The following U2SURP variants were observed in gnomAD, a reference collection of about 807,000 sequenced individuals.
U2SURP encodes the protein U2 snRNP-associated SURP motif-containing protein.
In U2SURP, 9 loss-of-function variants were observed where a neutral mutation model predicts 144.9. The ratio of observed to expected loss-of-function variants is 0.06; its 90% CI spans 0.04 to 0.11. The LOEUF is 0.11. Ranked by LOEUF, U2SURP falls within the 10% of genes least tolerant of loss-of-function variation. The pLI is 1.00. For missense variants in U2SURP, 724 were observed against 1,226.7 expected, an observed-to-expected ratio of 0.59 and a Z score of 6.12; for synonymous variants, 408 against 396.8, an observed-to-expected ratio of 1.03 and a Z score of -0.33.
intron 15 of U2SURP, 31 bp from the exon 16 acceptor site, chr3:143,028,452 G>C (rs768535432): frequency 1.2e-6 from 2 of 1,605,944 alleles, no homozygotes; most frequent in Non-Finnish European, 1.7e-6. Flanking sequence ...TGAGTAATTA[G>C]ACCTTTATAA....
At chr3:143,052,950 G>GTTT (rs11436960) in intron 25 of U2SURP, among the ~76,000 whole-genome samples, 5,557 of 132,814 alleles carry the variant, frequency 0.042, 285 homozygotes, top group African/African-American at 0.11. Flanking sequence ...AAATGTGTTG[G>GTTT]TTTTTTTTTT....
intron 23 of U2SURP, among the ~76,000 whole-genome samples, chr3:143,039,965 G>A (rs1046967838): frequency 2.6e-5 from 4 of 151,892 alleles, no homozygotes; most frequent in African/African-American, 9.7e-5. Flanking sequence ...ATACCTATCT[G>A]AGGCTGTTTA....
chr3:143,053,555 A>G (rs1262512968), intron 25 of U2SURP, 121 bp from the exon 26 acceptor site: 10 of 723,786 alleles, frequency 1.4e-5, no homozygotes, highest in South Asian at 2.8e-5. Flanking sequence ...TTTTAATAGT[A>G]TTGTACCTTA....
intron 23 of U2SURP, 120 bp from the exon 24 acceptor site, chr3:143,042,997 C>A: frequency 1.0e-6 from 1 of 958,278 alleles, no homozygotes; most frequent in Non-Finnish European, 1.5e-6. Context: ...ATGAATTGTC[C>A]TATTATGTTT....
In U2SURP at chr3:143,047,884, C is replaced by CA. The variant is rs1309467921; in HGVS notation, c.2545-3055_2545-3054insA. Among the ~76,000 whole-genome samples, 23 of 149,262 alleles carry CA rather than the reference C, an allele frequency of 1.5e-4. 2 individuals carry two copies. The highest frequency in any genetic ancestry group is 3.5e-3 in the Middle Eastern group (1 of 288). On this transcript the variant is annotated intron_variant, in intron 24 of 27. Coordinates refer to ENST00000473835, the MANE Select transcript of U2SURP (RefSeq NM_001080415.2). ...GCGGCTGGCCGGGCGGGGGGCTGAC[C>CA]CCCCCCAACCTCCCTCCCGGACGGG...
At chr3:143,006,754 T>C (rs147494420) in intron 1 of U2SURP, among the ~76,000 whole-genome samples, 124 of 152,250 alleles carry the variant, frequency 8.1e-4, no homozygotes, top group African/African-American at 2.4e-3. Flanking sequence ...AAAAAAAGAA[T>C]GTACCCATCT....
intron 26 of U2SURP, 55 bp downstream of exon 26, chr3:143,053,849 GT>G: frequency 1.5e-6 from 2 of 1,377,690 alleles, no homozygotes; most frequent in Non-Finnish European, 1.9e-6. Context: ...TTGCAGTGGT[GT>G]TTTATAATAC....
At chr3:143,026,780 T>C (rs913295850) in intron 13 of U2SURP, 4 of 155,700 alleles carry the variant, frequency 2.6e-5, no homozygotes, top group African/African-American at 9.6e-5. Context: ...TGTAATAACA[T>C]GCAGGCTCTA....
chr3:143,054,901 C>G (rs1201977677), intron 26 of U2SURP, 42 bp from the exon 27 acceptor site: 1 of 1,516,236 alleles, frequency 6.6e-7, no homozygotes, highest in Non-Finnish European at 8.8e-7. Context: ...ATACCCGATC[C>G]TTTGCTCATT....
intron 1 of U2SURP, among the ~76,000 whole-genome samples, chr3:143,008,458 G>T (rs950930897): frequency 9.2e-5 from 14 of 152,266 alleles, no homozygotes; most frequent in African/African-American, 3.4e-4. Flanking sequence ...CAATTCTTTT[G>T]CCCCCTTGCA....
At chr3:143,049,348 G>A (rs1341054586) in intron 24 of U2SURP, among the ~76,000 whole-genome samples, 3 of 79,512 alleles carry the variant, frequency 3.8e-5, no homozygotes, top group Non-Finnish European at 7.3e-5. Context: ...TTGTAATAAA[G>A]GGGGGTAACA....
Position 143,032,956 on chromosome 3 carries a change from T to A in U2SURP, c.1773+10T>A, listed in dbSNP as rs764653336. ...ACCCCTTCCTAAAAAGGTATGGGAATGAATTTTAAGAAAAGGGGAGATAGT... is the reference window on the plus strand; with the variant it reads ...ACCCCTTCCTAAAAAGGTATGGGAAAGAATTTTAAGAAAAGGGGAGATAGT... On this transcript the variant is annotated intron_variant, in intron 17 of 27. Transcript: ENST00000473835. 6.2e-7 allele frequency: 1 copy of A among 1,604,788 alleles called. No homozygotes were observed.
At chr3:143,010,970 T>G in intron 2 of U2SURP, 111 bp downstream of exon 2, 1 of 802,676 alleles carries the variant, frequency 1.2e-6, no homozygotes, top group Non-Finnish European at 1.8e-6. Flanking sequence ...TGTATGTGCT[T>G]TTTTCTTTTA....
chr3:143,003,677 C>CTTTTTTTTTTATTTTTTTTTTTTTTT (rs1935658474), intron 1 of U2SURP, among the ~76,000 whole-genome samples: 1 of 101,506 alleles, frequency 9.9e-6, no homozygotes, highest in African/African-American at 3.5e-5. Flanking sequence ...TATTTTATTT[C>CTTTTTTTTTTATTTTTTTTTTTTTTT]TTTTTTTTTT....
At chr3:143,004,831 A>G (rs1452386911) in intron 1 of U2SURP, among the ~76,000 whole-genome samples, 1 of 152,108 alleles carries the variant, frequency 6.6e-6, no homozygotes, top group African/African-American at 2.4e-5. Flanking sequence ...TTTCCTGTGC[A>G]TTTGTTTGTT....
intron 23 of U2SURP, among the ~76,000 whole-genome samples, chr3:143,042,430 G>C (rs1337545087): frequency 6.6e-6 from 1 of 152,014 alleles, no homozygotes; most frequent in Non-Finnish European, 1.5e-5. Flanking sequence ...CACACATACA[G>C]CTTTTTTTAT....
intron 24 of U2SURP, among the ~76,000 whole-genome samples, chr3:143,044,448 C>T (rs1250495989): frequency 2.6e-5 from 4 of 151,812 alleles, no homozygotes; most frequent in Non-Finnish European, 5.9e-5. Flanking sequence ...ACCACCAAGC[C>T]CGACTAATTT....
Position 143,012,136 on chromosome 3 carries a change from T to C in U2SURP, c.91-86T>C, listed in dbSNP as rs552498562. ...TAATCTACAATGAAATTTGTCAATA[T>C]CTGGCATGGCTTATTCCTAGTTTTC... On this transcript the variant is annotated intron_variant, in intron 2 of 27. Coordinates refer to ENST00000473835, the MANE Select transcript of U2SURP (RefSeq NM_001080415.2). 2.6e-5 allele frequency: 38 copies of C among 1,480,030 alleles called. No homozygotes were observed. The African/African-American group carries it at 4.2e-4, about 16-fold the overall frequency. 91.7% of individuals were successfully genotyped at this position (1,480,030 alleles called of 1,614,324 possible). A position where few individuals can be genotyped will look rare whatever the true frequency, so the allele number is the denominator to read the frequency against.
chr3:143,053,057 A>G (rs889230454), intron 25 of U2SURP, among the ~76,000 whole-genome samples: 3 of 150,962 alleles, frequency 2.0e-5, no homozygotes, highest in Non-Finnish European at 2.9e-5. Context: ...TAAAACTTCG[A>G]TGGAAGATTA....
Sources: allele counts gnomAD v4.1 joint callset (sites outside exome capture counted in the v4.1 genomes callset), GRCh38; gene constraint gnomAD v4.1.1; transcripts MANE v1.5; gene names NCBI Gene and HGNC (gene_info 2026-07-23, HGNC 2026-07-21).